MSH3: variants seen among roughly 807,000 people sequenced by gnomAD.
MSH3 encodes DNA mismatch repair protein Msh3.
In MSH3, 106 loss-of-function variants were observed where a neutral mutation model predicts 123.3. The ratio of observed to expected loss-of-function variants is 0.86; its 90% CI spans 0.73 to 1.01. The LOEUF is 1.01. MSH3 is among the 50% of genes least tolerant of loss of function. MSH3 has a pLI of 0.00. For missense variants in MSH3, 1,459 were observed against 1,347.6 expected, an observed-to-expected ratio of 1.08 and a Z score of -1.29; for synonymous variants, 515 against 481.4, an observed-to-expected ratio of 1.07 and a Z score of -0.91.
chr5:80,755,004 C>A (rs6151761), intron 12 of MSH3, among the ~76,000 whole-genome samples: 1 of 152,148 alleles, frequency 6.6e-6, no homozygotes, highest in South Asian at 2.1e-4. Flanking sequence ...TCCCATGTTC[C>A]ATGAGCCAGC....
intron 22 of MSH3, among the ~76,000 whole-genome samples, chr5:80,867,171 A>T (rs185660443): frequency 9.3e-4 from 141 of 152,358 alleles, no homozygotes; most frequent in Non-Finnish European, 1.7e-3. Context: ...TGGCTCAGAC[A>T]AAAGGATGCA....
chr5:80,736,031 G>A (rs1282019589), intron 10 of MSH3, among the ~76,000 whole-genome samples: 1 of 152,146 alleles, frequency 6.6e-6, no homozygotes, highest in Non-Finnish European at 1.5e-5. Context: ...TTCAAGACCA[G>A]CCTGGCCAAC....
chr5:80,795,342 G>C (rs1744678170), intron 19 of MSH3, among the ~76,000 whole-genome samples: 1 of 152,150 alleles, frequency 6.6e-6, no homozygotes, highest in Non-Finnish European at 1.5e-5. Context: ...ATCATAGACT[G>C]AGTAGCTCAT....
At chr5:80,764,260 A>G (rs1018100483) in intron 13 of MSH3, among the ~76,000 whole-genome samples, 3 of 152,260 alleles carry the variant, frequency 2.0e-5, no homozygotes, top group African/African-American at 4.8e-5. Context: ...AGTGGTTAGC[A>G]TAGGCTGTAT....
chr5:80,695,345 T>C (rs1447370211), intron 8 of MSH3, among the ~76,000 whole-genome samples: 2 of 151,930 alleles, frequency 1.3e-5, no homozygotes, highest in Admixed American at 6.6e-5. Context: ...CATTTTTTCT[T>C]TTTTTTTGAG....
At chr5:80,813,073 G>T (rs1745037439) in intron 19 of MSH3, among the ~76,000 whole-genome samples, 1 of 152,222 alleles carries the variant, frequency 6.6e-6, no homozygotes, top group Non-Finnish European at 1.5e-5. Context: ...TCGTTCACAT[G>T]CTGTGGTGAA....
intron 8 of MSH3, among the ~76,000 whole-genome samples, chr5:80,705,757 C>T (rs1270370988): frequency 6.6e-6 from 1 of 151,124 alleles, no homozygotes; most frequent in Non-Finnish European, 1.5e-5. Context: ...CCACCTCCTT[C>T]TTACGTCTCT....
At chr5:80,725,010 C>G (rs1002483273) in intron 8 of MSH3, among the ~76,000 whole-genome samples, 2 of 151,916 alleles carry the variant, frequency 1.3e-5, no homozygotes, top group African/African-American at 4.8e-5. Flanking sequence ...GTCAGGAGAT[C>G]GAGACCATCC....
chr5:80,732,432 C>G (rs1206969462), intron 10 of MSH3, among the ~76,000 whole-genome samples: 1 of 152,058 alleles, frequency 6.6e-6, no homozygotes, highest in Non-Finnish European at 1.5e-5. Context: ...CCTTTACTTA[C>G]TAGTGAAAGA....
chr5:80,753,631 A>G (rs988556173), intron 12 of MSH3, among the ~76,000 whole-genome samples: 1 of 152,172 alleles, frequency 6.6e-6, no homozygotes, highest in African/African-American at 2.4e-5. Flanking sequence ...CTAGCTGTTA[A>G]CACAAAGACC....
At chr5:80,868,783 A>C (rs935838988) in intron 22 of MSH3, among the ~76,000 whole-genome samples, 4 of 151,646 alleles carry the variant, frequency 2.6e-5, no homozygotes, top group Non-Finnish European at 5.9e-5. Context: ...AAAAAAAAAA[A>C]CAACAACTCT....
In MSH3 at chr5:80,806,990, C is replaced by T. The variant is rs191682260; in HGVS notation, c.2656-6594C>T. Among the ~76,000 whole-genome samples the T allele has an allele frequency of 5.3e-4, 80 of 151,904 alleles. 1 individual carries two copies. The highest frequency in any genetic ancestry group is 1.0e-4 in the Non-Finnish European group (7 of 67,932). ...GGCTGAAGTGAGAGGATCACTTGAG[C>T]CCAGGAGTTCAAGACCAGCCTGGGA... On this transcript the variant is annotated intron_variant, in intron 19 of 23. Transcript: ENST00000265081.
intron 12 of MSH3, among the ~76,000 whole-genome samples, chr5:80,753,973 C>A (rs1743880978): frequency 6.6e-6 from 1 of 152,132 alleles, no homozygotes; most frequent in South Asian, 2.1e-4. Context: ...CGGGGGCTAG[C>A]AAATGTCTGC....
chr5:80,662,998 G>A (rs1414379060), intron 2 of MSH3, among the ~76,000 whole-genome samples: 1 of 152,032 alleles, frequency 6.6e-6, no homozygotes, highest in Non-Finnish European at 1.5e-5. Context: ...GCTTTGAGAG[G>A]CCAAAGCAGG....
intron 13 of MSH3, 51 bp downstream of exon 13, chr5:80,761,729 A>G (rs774898589): frequency 2.5e-6 from 4 of 1,605,694 alleles, no homozygotes; most frequent in South Asian, 1.1e-5. Context: ...CAGCTTGAGG[A>G]CACTATATAT....
At chr5:80,786,268 G>A (rs1278853101) in intron 17 of MSH3, among the ~76,000 whole-genome samples, 1 of 152,186 alleles carries the variant, frequency 6.6e-6, no homozygotes, top group Non-Finnish European at 1.5e-5. Flanking sequence ...GCACTGTGAA[G>A]TAGGGTGATA....
At chr5:80,690,736 C>T (rs945429305) in intron 8 of MSH3, among the ~76,000 whole-genome samples, 5 of 152,232 alleles carry the variant, frequency 3.3e-5, no homozygotes, top group African/African-American at 9.6e-5. Flanking sequence ...AAGCACGTAG[C>T]AATATTCATT....
chr5:80,844,093 G>A (rs1429423113), intron 20 of MSH3, among the ~76,000 whole-genome samples: 1 of 151,970 alleles, frequency 6.6e-6, no homozygotes, highest in Non-Finnish European at 1.5e-5. Flanking sequence ...ATTCTGGTAT[G>A]TTGTGTCTTT....
At chr5:80,828,703 G>A (rs866549976) in intron 20 of MSH3, among the ~76,000 whole-genome samples, 10 of 152,136 alleles carry the variant, frequency 6.6e-5, no homozygotes, top group African/African-American at 1.4e-4. Flanking sequence ...TTTCATAAGG[G>A]AGAGATAGGC....
Sources: allele counts gnomAD v4.1 joint callset (sites outside exome capture counted in the v4.1 genomes callset), GRCh38; gene constraint gnomAD v4.1.1; transcripts MANE v1.5; gene names NCBI Gene and HGNC (gene_info 2026-07-23, HGNC 2026-07-21).